Variants in ADK observed in about 807,000 individuals in gnomAD.
The protein encoded by ADK is N6,N6-dimethyladenosine kinase.
Under a neutral mutation model 44.7 loss-of-function variants are expected in ADK, and 24 were observed. That is an observed-to-expected ratio of 0.54 (90% confidence interval 0.39 to 0.76). The LOEUF is 0.76. Ranked by LOEUF, ADK falls within the 30% of genes least tolerant of loss-of-function variation. The probability of loss-of-function intolerance (pLI) is 0.00; values close to 1 mark genes in which losing one functional copy is unlikely to be tolerated. For synonymous variants in ADK, 128 were observed against 142.6 expected, an observed-to-expected ratio of 0.90 and a Z score of 0.73; for missense variants, 321 against 425.1, an observed-to-expected ratio of 0.76 and a Z score of 2.15.
At chr10:74,537,114 T>C (rs1277527307) in intron 7 of ADK, among the ~76,000 whole-genome samples, 2 of 152,194 alleles carry the variant, frequency 1.3e-5, no homozygotes, top group African/African-American at 4.8e-5. Flanking sequence ...AACACTTATT[T>C]TGCATTTAAA....
chr10:74,619,012 T>TG (rs1852879482), intron 9 of ADK, among the ~76,000 whole-genome samples: 5 of 139,474 alleles, frequency 3.6e-5, no homozygotes, highest in Admixed American at 7.2e-5. Context: ...TTTATGCTCT[T>TG]TGTGTGTGTG....
At chr10:74,679,302 C>T (rs1855514446) in intron 10 of ADK, among the ~76,000 whole-genome samples, 1 of 152,164 alleles carries the variant, frequency 6.6e-6, no homozygotes, top group Non-Finnish European at 1.5e-5. Context: ...TGTAAAAAGG[C>T]AGGGGCAAGA....
intron 3 of ADK, among the ~76,000 whole-genome samples, chr10:74,284,045 G>T (rs553894175): frequency 3.3e-5 from 5 of 151,860 alleles, no homozygotes; most frequent in Non-Finnish European, 7.4e-5. Context: ...TGCAACCTCC[G>T]CCTCCTGCGT....
intron 4 of ADK, among the ~76,000 whole-genome samples, chr10:74,376,831 G>A (rs10824163): frequency 0.17 from 23,723 of 139,596 alleles, 2,201 homozygotes; most frequent in African/African-American, 0.27. Context: ...GAGAAACTGT[G>A]TTATTTTTCC....
At chr10:74,653,041 G>A (rs1401324388) in intron 9 of ADK, among the ~76,000 whole-genome samples, 2 of 152,144 alleles carry the variant, frequency 1.3e-5, no homozygotes, top group African/African-American at 2.4e-5. Context: ...CTTGGTTTTA[G>A]TTTAGTTCTT....
At chr10:74,318,319 C>T (rs1334250414) in intron 4 of ADK, among the ~76,000 whole-genome samples, 2 of 152,088 alleles carry the variant, frequency 1.3e-5, no homozygotes, top group East Asian at 3.9e-4. Flanking sequence ...GCACACCCTA[C>T]CATACCTGGC....
chr10:74,211,895 A>G (rs1056081919), intron 2 of ADK, among the ~76,000 whole-genome samples: 30 of 152,110 alleles, frequency 2.0e-4, no homozygotes, highest in African/African-American at 7.0e-4. Flanking sequence ...TCTATTGTGT[A>G]TATGATATAT....
At chr10:74,571,761 G>T (rs11492299) in intron 7 of ADK, among the ~76,000 whole-genome samples, 2 of 152,028 alleles carry the variant, frequency 1.3e-5, no homozygotes, top group African/African-American at 4.8e-5. Context: ...ATTTTTTGAA[G>T]GGTTTTTTGT....
At chr10:74,407,413 T>C (rs1843985080) in intron 6 of ADK, among the ~76,000 whole-genome samples, 1 of 152,254 alleles carries the variant, frequency 6.6e-6, no homozygotes, top group Non-Finnish European at 1.5e-5. Flanking sequence ...TATCTCTACA[T>C]AGTATGCTTA....
intron 1 of ADK, among the ~76,000 whole-genome samples, chr10:74,155,092 G>A (rs1288270598): frequency 2.0e-5 from 3 of 152,174 alleles, no homozygotes; most frequent in Admixed American, 1.3e-4. Flanking sequence ...CAAATGCTGA[G>A]CTTTTCTCAA....
At chr10:74,692,295 A>G (rs1564855038) in intron 10 of ADK, among the ~76,000 whole-genome samples, 1 of 152,198 alleles carries the variant, frequency 6.6e-6, no homozygotes, top group African/African-American at 2.4e-5. Context: ...CCTGGCCAAC[A>G]TGGTGAAACC....
Position 74,394,311 on chromosome 10 carries a change from C to T in ADK, c.444C>T (p.Asn148=). The T allele has an allele frequency of 6.2e-7, 1 of 1,613,734 alleles. No individual in the cohort carries two copies. Among genetic ancestry groups the T allele is most frequent in the African/African-American group, 1.3e-5 (1 of 75,044 alleles). The change falls in exon 5 of 11, where the codon AAC becomes AAT. Residue 148 remains asparagine (N), a splice_region_variant and synonymous_variant. Transcript: ENST00000539909. ...GTCAACITGD[N]RSLIANLAAA... is the part of the protein sequence containing the mutation. ...GTGCTGCATGCATCACTGGTGACAA[C>T]AGGTCAGTGTAATTCCAAGGGAACC...
chr10:74,608,362 C>T (rs1423572768), intron 9 of ADK, among the ~76,000 whole-genome samples: 1 of 151,942 alleles, frequency 6.6e-6, no homozygotes, highest in Non-Finnish European at 1.5e-5. Context: ...TCCTTATCTT[C>T]GTGGATTTAT....
intron 6 of ADK, among the ~76,000 whole-genome samples, chr10:74,460,295 C>A (rs1460986313): frequency 6.6e-6 from 1 of 152,148 alleles, no homozygotes; most frequent in Admixed American, 6.5e-5. Context: ...ACTGTGTTAT[C>A]CTAATGACAC....
intron 2 of ADK, among the ~76,000 whole-genome samples, chr10:74,216,948 G>A (rs926889819): frequency 3.9e-5 from 6 of 152,216 alleles, no homozygotes; most frequent in Non-Finnish European, 8.8e-5. Context: ...CGATGCAGAA[G>A]ACGGGTGATT....
chr10:74,396,263 G>A (rs1163300727), intron 5 of ADK, among the ~76,000 whole-genome samples: 1 of 152,132 alleles, frequency 6.6e-6, no homozygotes, highest in Non-Finnish European at 1.5e-5. Flanking sequence ...GCCGGGTGTG[G>A]TGGTCACACC....
Position 74,657,026 on chromosome 10 carries a change from G to GT in ADK, c.878-13142dup, listed in dbSNP as rs1314839172. On this transcript the variant is annotated intron_variant, in intron 9 of 10. Transcript: ENST00000539909. ...AGACATGTGCTACCATACCTAGCTAGTTTTTTTTTTTTTTTAATCTGTAGA... is the reference window on the plus strand; with the variant it reads ...AGACATGTGCTACCATACCTAGCTAGTTTTTTTTTTTTTTTTAATCTGTAGA... Among the ~76,000 whole-genome samples the GT allele has an allele frequency of 7.4e-3, 1,058 of 142,304 alleles. 10 individuals are homozygous for GT. The highest frequency in any genetic ancestry group is 0.051 in the East Asian group (249 of 4,878). The allele number at this position is 142,304 out of a possible 152,430, so 93.4% of individuals were successfully genotyped here.
intron 10 of ADK, among the ~76,000 whole-genome samples, chr10:74,681,966 T>C (rs1855624110): frequency 6.6e-6 from 1 of 152,196 alleles, no homozygotes; most frequent in Non-Finnish European, 1.5e-5. Context: ...TTTTGTTTTG[T>C]TTTGTTTTTG....
At chr10:74,302,836 C>G (rs1240723507) in intron 3 of ADK, among the ~76,000 whole-genome samples, 7 of 127,424 alleles carry the variant, frequency 5.5e-5, no homozygotes, top group African/African-American at 1.8e-4. Flanking sequence ...TTTACTGAGT[C>G]TAGTGTGAGT....
Sources: gnomAD v4.1 joint callset for allele counts (sites outside exome capture counted in the v4.1 genomes callset) on GRCh38, gnomAD v4.1.1 for gene constraint, MANE v1.5 for transcripts, NCBI Gene and HGNC (gene_info 2026-07-23, HGNC 2026-07-21) for gene names.